The following PMPCB variants were observed in gnomAD, a reference collection of about 807,000 sequenced individuals.
PMPCB encodes the protein peptidase, mitochondrial processing subunit beta.
Under a neutral mutation model 61.5 loss-of-function variants are expected in PMPCB, and 46 were observed. That is an observed-to-expected ratio of 0.75 (90% CI 0.59 to 0.96). PMPCB has a LOEUF of 0.96. Ranked by LOEUF, PMPCB falls within the 40% of genes least tolerant of loss-of-function variation. The pLI is 0.00. For synonymous variants in PMPCB, 191 were observed against 201.6 expected (o/e 0.95, Z 0.44); for missense variants, 590 against 602.4 (o/e 0.98, Z 0.22).
At chr7:103,326,813 T>G (rs1326073533) in intron 12 of PMPCB, 7 of 881,292 alleles carry the variant, frequency 7.9e-6, no homozygotes, top group Middle Eastern at 3.5e-4. Context: ...GTTTGCAGGT[T>G]GGGGAGGATT....
chr7:103,299,414 T>G, intron 2 of PMPCB, 29 bp from the exon 3 acceptor site: 2 of 1,363,566 alleles, frequency 1.5e-6, no homozygotes, highest in Middle Eastern at 1.8e-4. Flanking sequence ...TAAAATGAAT[T>G]TATTTAATTG....
rs1264758698 is a variant in PMPCB at position 103,312,225 on chromosome 7, C to T, written c.1424C>T (p.Pro475Leu). The T allele has an allele frequency of 6.2e-7, 1 of 1,613,358 alleles. No individual in the cohort carries two copies. Among genetic ancestry groups the T allele is most frequent in the Admixed American group, 1.7e-5 (1 of 60,012 alleles). Reference sequence around the variant, plus strand: ...TCCTTAGGTCCCATTAAGCAACTACCAGATTTTAAACAGATACGCAGTAAC... The same window carrying T: ...TCCTTAGGTCCCATTAAGCAACTACTAGATTTTAAACAGATACGCAGTAAC... ...IAAVGPIKQL[P>L]DFKQIRSNMC... Residue 475 changes from proline (P) to leucine (L), a missense_variant, in exon 13 of 13, where the codon CCA becomes CTA. By Grantham distance (98) the Pro-to-Leu change is moderately conservative (BLOSUM62 -3). Coordinates refer to ENST00000249269, the MANE Select transcript of PMPCB (RefSeq NM_004279.3).
chr7:103,317,299 G>A (rs775928296), downstream of PMPCB: 11 of 329,214 alleles, frequency 3.3e-5, no homozygotes, highest in Non-Finnish European at 6.0e-5. Context: ...AAGTCTGTGG[G>A]TCACTGAGTT....
chr7:103,320,455 A>C (rs1258224280), intron 12 of PMPCB, among the ~76,000 whole-genome samples: 1 of 152,062 alleles, frequency 6.6e-6, no homozygotes, highest in Non-Finnish European at 1.5e-5. Flanking sequence ...TTTTCTAAAC[A>C]TAATCATCTT....
At chr7:103,319,684 G>GA (rs538091160), downstream of PMPCB, 225 of 1,588,162 alleles carry the variant, frequency 1.4e-4, no homozygotes, top group Middle Eastern at 1.7e-4. Flanking sequence ...GTAAGCTAAA[G>GA]AAAAAAAAAG....
rs1051430579 is a variant in PMPCB, at chr7:103,302,881, GA to G, written c.458-953del. 9.1e-4 allele frequency among the ~76,000 whole-genome samples: 138 copies of G among 151,316 alleles called. 1 individual carries two copies. The highest frequency in any genetic ancestry group is 3.3e-3 in the African/African-American group (136 of 41,276). ...CATAATGAGACCTTGTCTCTTAGGGGAAAAAAAAGAAACTTAAGATTGTAAG... is the reference window on the plus strand; with the variant it reads ...CATAATGAGACCTTGTCTCTTAGGGGAAAAAAAGAAACTTAAGATTGTAAG... On this transcript the variant is annotated intron_variant, in intron 4 of 12. Transcript: ENST00000249269.
At chr7:103,341,836 C>T in the PMPCB span, 2 of 1,611,950 alleles carry the variant, frequency 1.2e-6, no homozygotes, top group Non-Finnish European at 8.5e-7. Flanking sequence ...CTTCTGATTC[C>T]TCGGATAACT....
In PMPCB at chr7:103,310,492, T is replaced by C; in HGVS notation, c.1154+17T>C. Reference sequence around the variant, plus strand: ...AAAAGAATGGTGAGAAAAATAGCTTTAAGTAATTTAAATTTTGCCTTTAAT... The same window carrying C: ...AAAAGAATGGTGAGAAAAATAGCTTCAAGTAATTTAAATTTTGCCTTTAAT... On this transcript the variant is annotated intron_variant, in intron 9 of 12. Coordinates refer to ENST00000249269, the MANE Select transcript of PMPCB (RefSeq NM_004279.3). 1.3e-6 allele frequency: 2 copies of C among 1,570,640 alleles called. No homozygotes were observed. The highest frequency in any genetic ancestry group is 8.6e-7 in the Non-Finnish European group (1 of 1,159,208).
At chr7:103,329,660 T>A (rs1008521172), downstream of PMPCB, 16 of 152,186 alleles carry the variant, frequency 1.1e-4, no homozygotes, top group African/African-American at 3.9e-4. Flanking sequence ...TAATAATCCT[T>A]CCCTTTTCCA....
Position 103,323,468 on chromosome 7 carries a change from T to C in PMPCB, c.*1432-5463T>C. 4 of 987,618 alleles carry C rather than the reference T, an allele frequency of 4.1e-6. No homozygotes were observed. The South Asian group carries it at 5.4e-5, about 13-fold the overall frequency. The allele number at this position is 987,618 out of a possible 1,614,324, so 61.2% of individuals were successfully genotyped here. On this transcript the variant is annotated intron_variant and NMD_transcript_variant, in intron 12 of 12. Transcript: ENST00000444457. ...ACTTGTGAGAAAGGATTTCAAAATA[T>C]TAAAAAATTGTTTAAAAAAGATGTA...
At chr7:103,331,182 T>G (rs928115392), downstream of PMPCB, among the ~76,000 whole-genome samples, 7 of 152,144 alleles carry the variant, frequency 4.6e-5, no homozygotes, top group African/African-American at 1.7e-4. Context: ...GGTCTTGAAC[T>G]CCTGACCTCA....
chr7:103,338,601 G>A, the PMPCB span, among the ~76,000 whole-genome samples: 1 of 151,992 alleles, frequency 6.6e-6, no homozygotes, highest in African/African-American at 2.4e-5. Flanking sequence ...ACCCGGCCAA[G>A]ACCCTGTCTT....
Position 103,314,207 on chromosome 7 carries a change from CCT to C in PMPCB, c.*1941_*1942del. On this transcript the variant is annotated 3_prime_UTR_variant, in exon 13 of 13. Coordinates refer to ENST00000249269, the MANE Select transcript of PMPCB (RefSeq NM_004279.3). ...GCCCTAAATACCATAGATTTTATTT[CCT>C]CTCTTGGAAAAAAGATGGAAGTGAC... 5.1e-6 allele frequency: 5 copies of C among 985,290 alleles called. No individual in the cohort carries two copies. Among genetic ancestry groups the C allele is most frequent in the Non-Finnish European group, 6.0e-6 (5 of 829,830 alleles). 61.0% of individuals were successfully genotyped at this position (985,290 alleles called of 1,614,324 possible).
rs1451210008 is a variant in PMPCB at position 103,299,529 on chromosome 7, G to A, written c.327G>A (p.Lys109=). Residue 109 remains lysine, a splice_region_variant and synonymous_variant, in exon 3 of 13, where the codon AAG becomes AAA. Coordinates refer to ENST00000249269, the MANE Select transcript of PMPCB (RefSeq NM_004279.3). ...ACTTTCTGGAGCATATGGCTTTCAA[G>A]GCAAGTTGTAAGACTTTACAAAAAT... ...TAHFLEHMAF[K]GTKKRSQLDL... is the part of the protein sequence containing the mutation. 1.3e-6 allele frequency: 2 copies of A among 1,599,512 alleles called. No homozygotes were observed. Among genetic ancestry groups the A allele is most frequent in the African/African-American group, 1.3e-5 (1 of 74,512 alleles).
At chr7:103,297,716 CG>C in intron 1 of PMPCB, 158 bp downstream of exon 1, 3 of 1,534,900 alleles carry the variant, frequency 2.0e-6, no homozygotes, top group Middle Eastern at 1.7e-4. Flanking sequence ...CTGAACTGGC[CG>C]GGGGTGACTG....
At chr7:103,317,129 C>A, downstream of PMPCB, 1 of 919,484 alleles carries the variant, frequency 1.1e-6, no homozygotes, top group East Asian at 2.5e-5. Context: ...CACTCTGACC[C>A]CATACTCCTC....
downstream of PMPCB, among the ~76,000 whole-genome samples, chr7:103,332,303 C>A (rs115474069): frequency 3.8e-3 from 572 of 152,248 alleles, 4 homozygotes; most frequent in African/African-American, 0.014. Flanking sequence ...CTGCACCCAG[C>A]GAATTTGCTA....
At chr7:103,323,607 TTTTC>T (rs1393453898) in intron 12 of PMPCB, 4 of 1,468,080 alleles carry the variant, frequency 2.7e-6, no homozygotes, top group Non-Finnish European at 2.8e-6. Flanking sequence ...CCATTCTGCT[TTTTC>T]TTTTTCTTCT....
chr7:103,324,420 AC>A, intron 12 of PMPCB: 1 of 1,358,944 alleles, frequency 7.4e-7, no homozygotes, highest in African/African-American at 1.5e-5. Context: ...ACAATCAAGT[AC>A]TTATTGAATA....
Sources: gnomAD v4.1 joint callset for allele counts (sites outside exome capture counted in the v4.1 genomes callset) on GRCh38, gnomAD v4.1.1 for gene constraint, MANE v1.5 for transcripts, NCBI Gene and HGNC (gene_info 2026-07-23, HGNC 2026-07-21) for gene names.